The following TMEM131L variants were observed in gnomAD, a reference collection of about 807,000 sequenced individuals.
TMEM131L encodes transmembrane 131 like, also known as transmembrane protein 131-like.
Under a neutral mutation model 192.2 loss-of-function variants are expected in TMEM131L, and 54 were observed. The observed-to-expected ratio is 0.28, with a 90% CI of 0.23 to 0.35. The LOEUF is 0.35. TMEM131L is among the 10% of genes least tolerant of loss of function. The pLI is 1.00. For synonymous variants in TMEM131L, 701 were observed against 704.9 expected, an observed-to-expected ratio of 0.99 and a Z score of 0.09; for missense variants, 1,888 against 1,972.9, an observed-to-expected ratio of 0.96 and a Z score of 0.82.
At chr4:153,600,016 C>A (rs891587645) in intron 21 of TMEM131L, among the ~76,000 whole-genome samples, 1 of 151,728 alleles carries the variant, frequency 6.6e-6, no homozygotes. Context: ...CCAGCCTGGA[C>A]GACAAGAGTG....
intron 7 of TMEM131L, among the ~76,000 whole-genome samples, chr4:153,577,772 G>A (rs1015788393): frequency 6.6e-6 from 1 of 152,176 alleles, no homozygotes; most frequent in African/African-American, 2.4e-5. Flanking sequence ...GGGGTTTTCA[G>A]GTTTCTGGCT....
intron 21 of TMEM131L, among the ~76,000 whole-genome samples, chr4:153,601,181 A>T (rs1323280451): frequency 6.6e-6 from 1 of 151,866 alleles, no homozygotes; most frequent in Admixed American, 6.6e-5. Context: ...TATTCCATTT[A>T]TTCATTCAGT....
intron 29 of TMEM131L, 138 bp from the exon 30 acceptor site, chr4:153,626,009 A>T (rs183678781): frequency 3.4e-6 from 2 of 588,498 alleles, no homozygotes; most frequent in East Asian, 2.9e-5. Context: ...ATGTTTAATT[A>T]AAAAATGTGA....
At chr4:153,483,607 C>T (rs936882624) in intron 3 of TMEM131L, among the ~76,000 whole-genome samples, 10 of 152,162 alleles carry the variant, frequency 6.6e-5, no homozygotes, top group African/African-American at 2.2e-4. Flanking sequence ...GGCTGAGGCT[C>T]ACTTGAGCCC....
intron 3 of TMEM131L, among the ~76,000 whole-genome samples, chr4:153,527,498 A>C (rs2150200905): frequency 6.6e-6 from 1 of 152,028 alleles, no homozygotes; most frequent in Admixed American, 6.5e-5. Context: ...TGGTCTTTTG[A>C]ACTCCTGGGC....
At chr4:153,510,041 T>G (rs1332704989) in intron 3 of TMEM131L, among the ~76,000 whole-genome samples, 1 of 152,208 alleles carries the variant, frequency 6.6e-6, no homozygotes, top group Non-Finnish European at 1.5e-5. Flanking sequence ...CGAGTGAAAG[T>G]GTATAGAAGC....
At chr4:153,592,624 C>A in intron 18 of TMEM131L, 40 bp downstream of exon 18, 1 of 1,296,454 alleles carries the variant, frequency 7.7e-7, no homozygotes, top group South Asian at 1.2e-5. Context: ...TTGGGAAGTA[C>A]TTGGGAAGAC....
At chr4:153,518,534 A>ACC (rs143002541) in intron 3 of TMEM131L, among the ~76,000 whole-genome samples, 6,375 of 152,324 alleles carry the variant, frequency 0.042, 476 homozygotes, top group East Asian at 0.23. Context: ...GCACAAAATC[A>ACC]CTGGAGAGAA....
intron 25 of TMEM131L, among the ~76,000 whole-genome samples, chr4:153,605,199 A>G (rs985535203): frequency 2.6e-5 from 4 of 152,222 alleles, no homozygotes; most frequent in South Asian, 2.1e-4. Context: ...AAAACAGTTA[A>G]GGAAAATACA....
At chr4:153,501,637 A>G (rs1397052287) in intron 3 of TMEM131L, among the ~76,000 whole-genome samples, 9 of 152,114 alleles carry the variant, frequency 5.9e-5, no homozygotes, top group Non-Finnish European at 1.3e-4. Context: ...CATCACTGTC[A>G]CTGCTATGGT....
intron 4 of TMEM131L, among the ~76,000 whole-genome samples, chr4:153,550,427 C>T (rs549308708): frequency 1.1e-4 from 16 of 152,152 alleles, no homozygotes; most frequent in East Asian, 3.9e-4. Flanking sequence ...CCCGGGTTTA[C>T]GCCATTCTCC....
intron 16 of TMEM131L, among the ~76,000 whole-genome samples, chr4:153,590,150 T>A (rs1216944503): frequency 1.3e-5 from 2 of 152,220 alleles, no homozygotes; most frequent in Non-Finnish European, 2.9e-5. Flanking sequence ...GGCCATGCAT[T>A]GCATTTGGTT....
chr4:153,625,182 C>T (rs1208477944), intron 29 of TMEM131L, among the ~76,000 whole-genome samples: 2 of 152,120 alleles, frequency 1.3e-5, no homozygotes, highest in Non-Finnish European at 2.9e-5. Context: ...GAGGCCGAAG[C>T]AGACAGATCA....
chr4:153,583,727 G>T, intron 11 of TMEM131L, 55 bp downstream of exon 11: 1 of 1,009,614 alleles, frequency 9.9e-7, no homozygotes, highest in South Asian at 1.4e-5. Flanking sequence ...TTGTCATGAT[G>T]GCAACTCTTT....
At chr4:153,524,644 C>T (rs1269294925) in intron 3 of TMEM131L, among the ~76,000 whole-genome samples, 5 of 152,144 alleles carry the variant, frequency 3.3e-5, no homozygotes, top group Non-Finnish European at 7.4e-5. Flanking sequence ...AGGTTTGTTT[C>T]TTAGCTCAGC....
chr4:153,612,473 T>A (rs1379841378), intron 26 of TMEM131L, 73 bp downstream of exon 26: 1 of 1,121,292 alleles, frequency 8.9e-7, no homozygotes, highest in Non-Finnish European at 1.3e-6. Flanking sequence ...AATATGTGTA[T>A]TTCATATGTT....
At chr4:153,496,809 C>T (rs1408694224) in intron 3 of TMEM131L, among the ~76,000 whole-genome samples, 2 of 152,076 alleles carry the variant, frequency 1.3e-5, no homozygotes, top group Non-Finnish European at 1.5e-5. Context: ...GCTTTGGCCT[C>T]CCAAAGTGCT....
intron 7 of TMEM131L, among the ~76,000 whole-genome samples, chr4:153,564,058 G>T (rs1409527378): frequency 6.6e-6 from 1 of 151,886 alleles, no homozygotes; most frequent in Admixed American, 6.6e-5. Context: ...GGAGGCCGAG[G>T]TGGGCAGATT....
intron 3 of TMEM131L, among the ~76,000 whole-genome samples, chr4:153,476,912 C>T (rs1006552845): frequency 1.3e-5 from 2 of 152,114 alleles, no homozygotes; most frequent in African/African-American, 4.8e-5. Context: ...AATGCCAGTA[C>T]GTACAGTGTG....
Sources: gnomAD v4.1 joint callset for allele counts (sites outside exome capture counted in the v4.1 genomes callset) on GRCh38, gnomAD v4.1.1 for gene constraint, MANE v1.5 for transcripts, NCBI Gene and HGNC (gene_info 2026-07-23, HGNC 2026-07-21) for gene names.